Variants in SLC23A1 observed in about 807,000 individuals in gnomAD.
SLC23A1 encodes the protein solute carrier family 23 member 1.
In SLC23A1, 31 loss-of-function variants were observed where a neutral mutation model predicts 62.5. The observed-to-expected ratio is 0.50, with a 90% CI of 0.37 to 0.67. The LOEUF (loss-of-function observed/expected upper bound fraction) is 0.67. Among genes scored for constraint, SLC23A1 ranks in the 30% least tolerant of loss-of-function variants. SLC23A1 has a pLI of 0.00. For synonymous variants in SLC23A1, 271 were observed against 313.2 expected (o/e 0.87, Z 1.42); for missense variants, 640 against 782.7 (o/e 0.82, Z 2.18).
rs35817838 is a variant in SLC23A1, at chr5:139,379,831, T to C, written c.772A>G (p.Met258Val). ...AGCCACACGGTCATGATGGCCAGCA[T>C]GATCTGAAGGAGGGGGGTGAGGGGG... ...RIQIFKMFPI[M>V]LAIMTVWLLC... Residue 258 changes from methionine to valine, a missense_variant, in exon 8 of 15, where the codon ATG (methionine) becomes GTG (valine). By Grantham distance (21) the Met-to-Val change is conservative. Transcript: ENST00000348729. This position sits in a 1 kb window ranked among gnomAD's most constrained non-coding sequence, Gnocchi z 4.7. The C allele has an allele frequency of 3.7e-3, 5,893 of 1,613,970 alleles. 202 individuals are homozygous for C. The African/African-American group carries it at 0.069, about 19-fold the overall frequency.
chr5:139,383,185 C>CT lies in SLC23A1; in HGVS notation c.36+32_36+33insA, dbSNP rs745921810. On this transcript the variant is annotated intron_variant, in intron 1 of 14. Transcript: ENST00000348729. The stretch of plus-strand genomic sequence containing the variant: ...GCCCTCCAGCCCCCCACCCCCCCTG[C>CT]CCCCCCTAGCCCCCACCCCCAGCCC... 7 of 286,820 alleles carry CT rather than the reference C, an allele frequency of 2.4e-5. No individual in the cohort carries two copies. The East Asian group carries it at 4.0e-4, about 16-fold the overall frequency. The allele number at this position is 286,820 out of a possible 1,614,324, so 17.8% of individuals were successfully genotyped here. A position where few individuals can be genotyped will look rare whatever the true frequency, so the allele number is the denominator to read the frequency against.
intron 13 of SLC23A1, among the ~76,000 whole-genome samples, chr5:139,372,730 A>G (rs10058794): frequency 6.6e-6 from 1 of 151,872 alleles, no homozygotes; most frequent in African/African-American, 2.4e-5. Flanking sequence ...GATTACAGGC[A>G]TGCACCACCA....
At chr5:139,383,467 C>G, upstream of SLC23A1, 3 of 788,288 alleles carry the variant, frequency 3.8e-6, no homozygotes, top group African/African-American at 5.6e-5. Context: ...GCCACATGTG[C>G]CCTTCCCTGC....
chr5:139,376,168 G>A (rs983868564), intron 13 of SLC23A1, among the ~76,000 whole-genome samples: 6 of 35,948 alleles, frequency 1.7e-4, no homozygotes, highest in African/African-American at 2.2e-4. Flanking sequence ...CCAGATTTGC[G>A]ATGTTTTAAT....
chr5:139,373,468 C>G (rs983646644), intron 13 of SLC23A1, among the ~76,000 whole-genome samples: 1 of 152,128 alleles, frequency 6.6e-6, no homozygotes, highest in Non-Finnish European at 1.5e-5. Flanking sequence ...GTGTGAGCCA[C>G]TGAGCCGGGC....
chr5:139,380,847 A>G lies in SLC23A1; in HGVS notation c.348T>C (p.Val116=). 6.3e-7 allele frequency: 1 copy of G among 1,575,374 alleles called. No individual in the cohort carries two copies. Among genetic ancestry groups the G allele is most frequent in the Non-Finnish European group, 8.6e-7 (1 of 1,159,626 alleles). The change falls in exon 4 of 15, where the codon GTT becomes GTC. Residue 116 remains valine, a synonymous_variant. Coordinates refer to ENST00000348729, the MANE Select transcript of SLC23A1 (RefSeq NM_005847.5). ...LFQASAFAFL[V]PAKAILALER... ...CCAGAGCCAGTATGGCTTTGGCTGG[A>G]ACCAGAAATGCAAAGGCACTGGCCT...
At position 139,378,136 on chromosome 5, in the gene SLC23A1, C is replaced by A. The variant is rs773304549; in HGVS notation, c.1310-18G>T. 1 of 1,614,080 alleles carries A rather than the reference C, an allele frequency of 6.2e-7. No individual in the cohort carries two copies. Among genetic ancestry groups the A allele is most frequent in the East Asian group, 2.2e-5 (1 of 44,882 alleles). Reference sequence around the variant, plus strand: ...AATCATGCCTAAGGGCGCAAGAGAACGGCTGGAGGCGCCGCACACGCGTAA... The same window carrying A: ...AATCATGCCTAAGGGCGCAAGAGAAAGGCTGGAGGCGCCGCACACGCGTAA... On this transcript the variant is annotated intron_variant, in intron 11 of 14. Transcript: ENST00000348729. This position sits in a 1 kb window ranked among gnomAD's most constrained non-coding sequence, Gnocchi z 4.5.
intron 14 of SLC23A1, 90 bp downstream of exon 14, chr5:139,371,897 G>C (rs1757688651): frequency 5.2e-6 from 5 of 958,424 alleles, no homozygotes; most frequent in Non-Finnish European, 8.0e-6. Context: ...TTACAAGAAA[G>C]AGAACTGAGT....
In SLC23A1 at chr5:139,367,545, A is replaced by AAGTT. The variant is rs928407375; in HGVS notation, c.*102_*105dup. The AAGTT allele has an allele frequency of 2.6e-5, 4 of 151,930 alleles. No individual in the cohort carries two copies. Among genetic ancestry groups the AAGTT allele is most frequent in the African/African-American group, 9.7e-5 (4 of 41,356 alleles). 9.4% of individuals were successfully genotyped at this position (151,930 alleles called of 1,614,324 possible). ...AGGTGACTTATCTGAGTTTACACAG[A>AAGTT]AGTTAGTTAGGGGCAGGGCTGGGAT... On this transcript the variant is annotated 3_prime_UTR_variant, in exon 15 of 15. Transcript: ENST00000348729.
chr5:139,374,128 A>G (rs1184759833), intron 13 of SLC23A1, among the ~76,000 whole-genome samples: 1 of 152,176 alleles, frequency 6.6e-6, no homozygotes, highest in Non-Finnish European at 1.5e-5. Context: ...AGCTCCTCTA[A>G]ACAAATTGTT....
intron 13 of SLC23A1, 128 bp downstream of exon 13, chr5:139,377,274 A>G: frequency 9.1e-6 from 6 of 661,540 alleles, no homozygotes; most frequent in South Asian, 8.6e-5. Flanking sequence ...CAGCCCATCT[A>G]TTCCTGATGC....
chr5:139,377,392 C>G lies in SLC23A1; in HGVS notation c.1549+10G>C. On this transcript the variant is annotated intron_variant, in intron 13 of 14. Transcript: ENST00000348729. ...TAGTTCTTCATTCCCCTCCCAGGACCGAACCATACCTGGCACTGTGTTGTC... is the reference window on the plus strand; with the variant it reads ...TAGTTCTTCATTCCCCTCCCAGGACGGAACCATACCTGGCACTGTGTTGTC... 1 of 1,511,144 alleles carries G rather than the reference C, an allele frequency of 6.6e-7. No homozygotes were observed. Among genetic ancestry groups the G allele is most frequent in the South Asian group, 1.1e-5 (1 of 89,002 alleles). 93.6% of individuals were successfully genotyped at this position (1,511,144 alleles called of 1,614,324 possible).
rs947985928 is a variant in SLC23A1 at position 139,379,314 on chromosome 5, C to T, written c.966G>A (p.Leu322=). ...CTGCCAGAGTGGCGCTGAACATTCCCAGGACAGCAGCCGCAGTCACCGTGG... is the reference window on the plus strand; with the variant it reads ...CTGCCAGAGTGGCGCTGAACATTCCTAGGACAGCAGCCGCAGTCACCGTGG... The part of the protein sequence containing the change: ...GLPTVTAAAV[L]GMFSATLAGI... The change falls in exon 9 of 15, where the codon CTG becomes CTA. Residue 322 remains leucine (L), a synonymous_variant. Coordinates refer to ENST00000348729, the MANE Select transcript of SLC23A1 (RefSeq NM_005847.5). The surrounding 1 kb of genome is among the most constrained non-coding windows in gnomAD (Gnocchi z 4.7). 1 of 1,614,172 alleles carries T rather than the reference C, an allele frequency of 6.2e-7. No homozygotes were observed. Among genetic ancestry groups the T allele is most frequent in the Non-Finnish European group, 8.5e-7 (1 of 1,179,994 alleles).
rs775887934 is a variant in SLC23A1 at position 139,380,423 on chromosome 5, GT to G, written c.466-35del. On this transcript the variant is annotated intron_variant, in intron 5 of 14. Coordinates refer to ENST00000348729, the MANE Select transcript of SLC23A1 (RefSeq NM_005847.5). Reference sequence around the variant, plus strand: ...GCAAACATCAGCCGTAAGTCACCATGTAAAGGTCATGACCTGGCTGCTGCTA... The same window carrying G: ...GCAAACATCAGCCGTAAGTCACCATGAAAGGTCATGACCTGGCTGCTGCTA... 9.5e-5 allele frequency: 153 copies of G among 1,612,478 alleles called. 1 individual carries two copies. Among genetic ancestry groups the G allele is most frequent in the Non-Finnish European group, 1.2e-4 (139 of 1,178,900 alleles).
Position 139,379,594 on chromosome 5 carries a change from T to C in SLC23A1, c.925+84A>G. On this transcript the variant is annotated intron_variant, in intron 8 of 14. Coordinates refer to ENST00000348729, the MANE Select transcript of SLC23A1 (RefSeq NM_005847.5). The surrounding 1 kb of genome is among the most constrained non-coding windows in gnomAD (Gnocchi z 4.7). Reference sequence around the variant, plus strand: ...AAATGTGCGGCTAATGCTAGGTGTGTCACCTGCTGGATTGGGGTCACCAGG... The same window carrying C: ...AAATGTGCGGCTAATGCTAGGTGTGCCACCTGCTGGATTGGGGTCACCAGG... 7.5e-7 allele frequency: 1 copy of C among 1,333,826 alleles called. No individual in the cohort carries two copies. The highest frequency in any genetic ancestry group is 1.2e-5 in the South Asian group (1 of 80,988). The allele number at this position is 1,333,826 out of a possible 1,614,324, so 82.6% of individuals were successfully genotyped here.
chr5:139,377,627 C>T (rs545648464), intron 12 of SLC23A1, 130 bp from the exon 13 acceptor site: 18 of 652,812 alleles, frequency 2.8e-5, no homozygotes, highest in African/African-American at 2.7e-4. Flanking sequence ...TCTGTCTTTC[C>T]TATCTCTGGG....
At chr5:139,376,628 C>T (rs1193172273) in intron 13 of SLC23A1, among the ~76,000 whole-genome samples, 2 of 152,166 alleles carry the variant, frequency 1.3e-5, no homozygotes, top group East Asian at 1.9e-4. Context: ...CATCTTTATG[C>T]GGGCCCCACA....
chr5:139,378,596 C>T lies in SLC23A1; in HGVS notation c.1162G>A (p.Val388Ile), dbSNP rs777121255. The T allele has an allele frequency of 1.2e-6, 2 of 1,608,870 alleles. No homozygotes were observed. The highest frequency in any genetic ancestry group is 8.5e-7 in the Non-Finnish European group (1 of 1,177,664). Residue 388 changes from valine to isoleucine, a missense_variant, in exon 10 of 15, where the codon GTC (valine) becomes ATC (isoleucine). Physicochemically the swap from Val to Ile is conservative, Grantham distance 29. Coordinates refer to ENST00000348729, the MANE Select transcript of SLC23A1 (RefSeq NM_005847.5). This position sits in a 1 kb window ranked among gnomAD's most constrained non-coding sequence, Gnocchi z 4.5. ...GSTSSSPNIG[V>I]LGITKVGSRR... ...CGCGACACCTTGGTAATTCCCAGGA[C>T]GCCAATGTTGGGACTGGACGAGGTG...
upstream of SLC23A1, chr5:139,383,469 C>T: frequency 2.5e-6 from 2 of 790,836 alleles, no homozygotes; most frequent in Non-Finnish European, 3.1e-6. Context: ...CACATGTGCC[C>T]TTCCCTGCCC....
Sources: gnomAD v4.1 joint callset for allele counts (sites outside exome capture counted in the v4.1 genomes callset) on GRCh38, gnomAD v4.1.1 for gene constraint, Gnocchi (gnomAD v3.1) non-coding constraint, MANE v1.5 for transcripts, NCBI Gene and HGNC (gene_info 2026-07-23, HGNC 2026-07-21) for gene names.